The following FAM135A variants were observed in gnomAD, a reference collection of about 807,000 sequenced individuals.
FAM135A encodes family with sequence similarity 135 member A, also known as protein FAM135A.
FAM135A carries 79 observed loss-of-function variants against 146.8 expected under a neutral mutation model. The observed-to-expected ratio is 0.54, with a 90% CI of 0.45 to 0.65. The LOEUF is 0.65. Ranked by LOEUF, FAM135A falls within the 30% of genes least tolerant of loss-of-function variation. The pLI is 0.00. For missense variants in FAM135A, 1,623 were observed against 1,758.2 expected (o/e 0.92, Z 1.38); for synonymous variants, 562 against 603.6 (o/e 0.93, Z 1.01).
chr6:70,470,350 C>G (rs1472701875), intron 5 of FAM135A, among the ~76,000 whole-genome samples: 1 of 151,672 alleles, frequency 6.6e-6, no homozygotes, highest in African/African-American at 2.4e-5. Context: ...CACACAAATC[C>G]TACTATTACT....
intron 3 of FAM135A, 31 bp downstream of exon 3, chr6:70,426,563 T>C (rs1301015464): frequency 6.6e-6 from 1 of 152,238 alleles, no homozygotes; most frequent in African/African-American, 2.4e-5. Flanking sequence ...CACTTAATTC[T>C]TAATAGATTC....
chr6:70,534,443 C>G (rs894040862), intron 18 of FAM135A, among the ~76,000 whole-genome samples: 3 of 151,198 alleles, frequency 2.0e-5, no homozygotes, highest in South Asian at 2.1e-4. Flanking sequence ...CCTCAGCCCC[C>G]CAAGTAGCTG....
chr6:70,481,648 T>TA (rs10718433), intron 9 of FAM135A, among the ~76,000 whole-genome samples: 21,927 of 131,404 alleles, frequency 0.17, 1,755 homozygotes, highest in Middle Eastern at 0.21. Context: ...AAAAGAAAAT[T>TA]AAAAAAAAAA....
intron 4 of FAM135A, among the ~76,000 whole-genome samples, chr6:70,435,062 CGTGTGT>C (rs60366617): frequency 7.9e-6 from 1 of 126,994 alleles, no homozygotes; most frequent in Non-Finnish European, 1.6e-5. Context: ...TATATATATA[CGTGTGT>C]GTGTGTGTGT....
At chr6:70,492,668 A>AG (rs1396000849) in intron 11 of FAM135A, among the ~76,000 whole-genome samples, 2 of 151,704 alleles carry the variant, frequency 1.3e-5, no homozygotes, top group Non-Finnish European at 3.0e-5. Context: ...AAAAAAAAAA[A>AG]AAAAGGATAC....
chr6:70,416,473 G>T (rs1192065755), intron 2 of FAM135A, among the ~76,000 whole-genome samples: 1 of 152,110 alleles, frequency 6.6e-6, no homozygotes, highest in Non-Finnish European at 1.5e-5. Flanking sequence ...AAAAGCCAAG[G>T]ATTTCCTTTG....
chr6:70,447,525 G>A (rs1776038426), intron 4 of FAM135A, among the ~76,000 whole-genome samples: 1 of 152,230 alleles, frequency 6.6e-6, no homozygotes, highest in South Asian at 2.1e-4. Context: ...GGGTTCCTCA[G>A]GCAGAAGGCT....
intron 4 of FAM135A, among the ~76,000 whole-genome samples, chr6:70,451,916 T>A (rs997612276): frequency 6.6e-6 from 1 of 152,056 alleles, no homozygotes; most frequent in Admixed American, 6.5e-5. Flanking sequence ...CATAATCATC[T>A]TTTTCTTAAA....
chr6:70,546,795 A>G (rs1039410359), intron 20 of FAM135A, among the ~76,000 whole-genome samples: 1 of 152,232 alleles, frequency 6.6e-6, no homozygotes, highest in Non-Finnish European at 1.5e-5. Flanking sequence ...AACCTGTGGT[A>G]TTCTACAGAT....
intron 12 of FAM135A, among the ~76,000 whole-genome samples, chr6:70,506,375 A>G (rs1789767651): frequency 2.0e-5 from 3 of 152,294 alleles, no homozygotes; most frequent in African/African-American, 7.2e-5. Flanking sequence ...TTTTTCTGTT[A>G]AGGACCAAAT....
At chr6:70,480,754 T>C (rs1292590877) in intron 8 of FAM135A, 147 bp from the exon 9 acceptor site, 5 of 606,254 alleles carry the variant, frequency 8.2e-6, no homozygotes, top group Non-Finnish European at 1.2e-5. Flanking sequence ...TCAAATTATT[T>C]TTTAAAATTA....
In FAM135A at chr6:70,469,801, G is replaced by A. The variant is rs527958300; in HGVS notation, c.158-5609G>A. On this transcript the variant is annotated intron_variant, in intron 5 of 21. Coordinates refer to ENST00000418814, the MANE Select transcript of FAM135A (RefSeq NM_001162529.3). ...ACTAGGAGAGTGTGATGTCCAGAAAGCTACATTTAAGAAGTGTATCAAGAA... is the reference window on the plus strand; with the variant it reads ...ACTAGGAGAGTGTGATGTCCAGAAAACTACATTTAAGAAGTGTATCAAGAA... Among the ~76,000 whole-genome samples, 3 of 152,188 alleles carry A rather than the reference G, an allele frequency of 2.0e-5. No homozygotes were observed. In the South Asian group the frequency reaches 6.2e-4, roughly 32 times the overall value.
chr6:70,469,089 T>C (rs571530560), intron 5 of FAM135A, among the ~76,000 whole-genome samples: 7 of 152,348 alleles, frequency 4.6e-5, no homozygotes, highest in South Asian at 2.1e-4. Context: ...CTTGTAACTT[T>C]CAAATGTATT....
rs142170054 is a variant in FAM135A at position 70,481,939 on chromosome 6, A to G, written c.670-62A>G. The G allele has an allele frequency of 4.1e-6, 6 of 1,456,162 alleles. No homozygotes were observed. In the East Asian group the frequency reaches 1.5e-4, roughly 36 times the overall value. 90.2% of individuals were successfully genotyped at this position (1,456,162 alleles called of 1,614,324 possible). A position where few individuals can be genotyped will look rare whatever the true frequency, so the allele number is the denominator to read the frequency against. ...TAAGTATTTTTTCTTTATTTTTCCA[A>G]GTTTCACATGTAACATTTTGTATTA... On this transcript the variant is annotated intron_variant, in intron 9 of 21. Coordinates refer to ENST00000418814, the MANE Select transcript of FAM135A (RefSeq NM_001162529.3).
rs1382694621 is a variant in FAM135A, at chr6:70,525,013, C to T, written c.1929C>T (p.Cys643=). 1.9e-6 allele frequency: 3 copies of T among 1,597,686 alleles called. No homozygotes were observed. In the East Asian group the frequency reaches 6.7e-5, roughly 36 times the overall value. ...NLASRRSSDD[C]HDHQTTPSLG... ...CATCCAGAAGGTCATCAGACGATTG[C>T]CATGATCATCAAACAACCCCATCTT... is the stretch of plus-strand genomic sequence containing the variant. The change falls in exon 15 of 22, where the codon TGC becomes TGT. Residue 643 remains cysteine (C), a synonymous_variant. Transcript: ENST00000418814.
intron 20 of FAM135A, among the ~76,000 whole-genome samples, chr6:70,539,390 AAAC>A (rs2128435042): frequency 6.6e-6 from 1 of 152,336 alleles, no homozygotes; most frequent in African/African-American, 2.4e-5. Flanking sequence ...TGTAGTATGA[AAAC>A]AACCACAGAA....
At chr6:70,509,197 G>T (rs1790456532) in intron 12 of FAM135A, among the ~76,000 whole-genome samples, 1 of 152,144 alleles carries the variant, frequency 6.6e-6, no homozygotes, top group African/African-American at 2.4e-5. Flanking sequence ...ACTGTGGAAG[G>T]TGGAGGTGGG....
intron 5 of FAM135A, among the ~76,000 whole-genome samples, chr6:70,470,802 C>A (rs13218183): frequency 0.14 from 21,119 of 152,180 alleles, 1,897 homozygotes; most frequent in Middle Eastern, 0.22. Context: ...GGAGATGAAT[C>A]AAACACACTA....
intron 16 of FAM135A, among the ~76,000 whole-genome samples, 153 bp downstream of exon 16, chr6:70,528,605 C>T (rs1795189088): frequency 6.6e-6 from 1 of 151,984 alleles, no homozygotes; most frequent in Non-Finnish European, 1.5e-5. Flanking sequence ...CAGAAATATG[C>T]TTAATTTTAA....
Sources: gnomAD v4.1 joint callset for allele counts (sites outside exome capture counted in the v4.1 genomes callset) on GRCh38, gnomAD v4.1.1 for gene constraint, MANE v1.5 for transcripts, NCBI Gene and HGNC (gene_info 2026-07-23, HGNC 2026-07-21) for gene names.